Variants in CDH20 observed in about 807,000 individuals in gnomAD.
CDH20 encodes the protein cadherin 20.
A neutral mutation model predicts 74.2 loss-of-function variants in CDH20; 29 were observed. The ratio of observed to expected loss-of-function variants is 0.39; its 90% confidence interval spans 0.29 to 0.53. The LOEUF (loss-of-function observed/expected upper bound fraction) is 0.53. Among genes scored for constraint, CDH20 ranks in the 20% least tolerant of loss-of-function variants. The pLI, the probability that CDH20 is intolerant of heterozygous loss-of-function variation, is 0.69. For missense variants in CDH20, 988 were observed against 1,048.3 expected (o/e 0.94, Z 0.79); for synonymous variants, 469 against 405.4 (o/e 1.16, Z -1.88).
chr18:61,374,326 C>T (rs1416987249), intron 1 of CDH20, among the ~76,000 whole-genome samples: 1 of 152,064 alleles, frequency 6.6e-6, no homozygotes, highest in Admixed American at 6.6e-5. Context: ...AAACAATCTT[C>T]CCCAAATGAG....
At chr18:61,400,228 G>A (rs1168807700) in intron 1 of CDH20, among the ~76,000 whole-genome samples, 3 of 152,116 alleles carry the variant, frequency 2.0e-5, no homozygotes, top group Non-Finnish European at 4.4e-5. Context: ...TCTATCAGAA[G>A]AAGAAAACAT....
In CDH20 at chr18:61,554,875, G is replaced by C. The variant is rs1490427331; in HGVS notation, c.*180G>C. On this transcript the variant is annotated 3_prime_UTR_variant, in exon 12 of 12. Coordinates refer to ENST00000262717, the MANE Select transcript of CDH20 (RefSeq NM_031891.4). ...GGTAGATTAAGTTAAATAAGCAAAA[G>C]GAAACCCAGAAGGAAGAGGGCAGAA... is the stretch of plus-strand genomic sequence containing the variant. The C allele has an allele frequency of 7.2e-7, 1 of 1,398,526 alleles. No individual in the cohort carries two copies. The highest frequency in any genetic ancestry group is 9.3e-7 in the Non-Finnish European group (1 of 1,078,668). The allele number at this position is 1,398,526 out of a possible 1,614,324, so 86.6% of individuals were successfully genotyped here.
At chr18:61,540,248 A>G (rs1048715055) in intron 9 of CDH20, among the ~76,000 whole-genome samples, 1 of 152,156 alleles carries the variant, frequency 6.6e-6, no homozygotes, top group African/African-American at 2.4e-5. Context: ...AATGGGCTGG[A>G]ATGGTTTTAA....
intron 1 of CDH20, among the ~76,000 whole-genome samples, chr18:61,479,479 A>G (rs2144274551): frequency 6.6e-6 from 1 of 152,278 alleles, no homozygotes; most frequent in African/African-American, 2.4e-5. Context: ...TCGCCCTTCA[A>G]CAGTTATATT....
intron 11 of CDH20, among the ~76,000 whole-genome samples, chr18:61,551,103 T>A (rs1454612827): frequency 1.3e-5 from 2 of 152,228 alleles, no homozygotes; most frequent in African/African-American, 4.8e-5. Flanking sequence ...CAAGTCATAC[T>A]GCAAGGTGGC....
chr18:61,393,174 C>T (rs958798314), intron 1 of CDH20, among the ~76,000 whole-genome samples: 6 of 152,196 alleles, frequency 3.9e-5, no homozygotes, highest in Non-Finnish European at 8.8e-5. Flanking sequence ...GATAGTCTCA[C>T]TTTCCTGAAA....
intron 1 of CDH20, among the ~76,000 whole-genome samples, chr18:61,465,661 T>C (rs573834105): frequency 3.3e-5 from 5 of 151,070 alleles, no homozygotes; most frequent in Non-Finnish European, 7.4e-5. Context: ...ATTGTAATGG[T>C]CCATTTTGAA....
At chr18:61,423,860 T>A (rs776444653) in intron 1 of CDH20, among the ~76,000 whole-genome samples, 9 of 152,224 alleles carry the variant, frequency 5.9e-5, no homozygotes, top group Admixed American at 1.3e-4. Context: ...AATACAAAAA[T>A]TAATTAAAGA....
At chr18:61,389,695 G>T (rs1202148010) in intron 1 of CDH20, among the ~76,000 whole-genome samples, 6 of 152,116 alleles carry the variant, frequency 3.9e-5, no homozygotes, top group African/African-American at 1.4e-4. Context: ...GTATAAATGT[G>T]GTTATTGCCC....
At chr18:61,422,854 C>T (rs1912932136) in intron 1 of CDH20, among the ~76,000 whole-genome samples, 1 of 151,762 alleles carries the variant, frequency 6.6e-6, no homozygotes, top group Non-Finnish European at 1.5e-5. Flanking sequence ...TAAAACTGTC[C>T]ATGACTCATC....
chr18:61,526,867 A>G (rs1402445130), intron 6 of CDH20, among the ~76,000 whole-genome samples: 3 of 152,210 alleles, frequency 2.0e-5, no homozygotes, highest in Non-Finnish European at 4.4e-5. Context: ...TCAACTCTAA[A>G]AGGTCAAATA....
chr18:61,383,930 C>T (rs1175236927), intron 1 of CDH20, among the ~76,000 whole-genome samples: 1 of 152,096 alleles, frequency 6.6e-6, no homozygotes, highest in African/African-American at 2.4e-5. Context: ...TCCTAAGTGA[C>T]CTGAAGATCC....
In CDH20 at chr18:61,528,662, C is replaced by G. The variant is rs1366883251; in HGVS notation, c.1271+442C>G. ...AATGTCCCCAGATATTGCCAAATGT[C>G]CAGGGAAGTGGTGTAAAATCACCCC... On this transcript the variant is annotated intron_variant, in intron 7 of 11. Coordinates refer to ENST00000262717, the MANE Select transcript of CDH20 (RefSeq NM_031891.4). 4.6e-5 allele frequency among the ~76,000 whole-genome samples: 7 copies of G among 151,998 alleles called. No homozygotes were observed. In the East Asian group the frequency reaches 1.4e-3, roughly 29 times the overall value.
At position 61,380,469 on chromosome 18, in the gene CDH20, G is replaced by T. The variant is rs74664431; in HGVS notation, c.-153+46642G>T. On this transcript the variant is annotated intron_variant, in intron 1 of 11. Transcript: ENST00000262717. Reference sequence around the variant, plus strand: ...GTTGTTCACCCAAGTAGAAATTAAAGCCAGTCCATATTTTCATGTTTTAAT... The same window carrying T: ...GTTGTTCACCCAAGTAGAAATTAAATCCAGTCCATATTTTCATGTTTTAAT... 2.1e-4 allele frequency among the ~76,000 whole-genome samples: 32 copies of T among 152,286 alleles called. 2 individuals carry two copies. In the East Asian group the frequency reaches 6.2e-3, roughly 29 times the overall value.
intron 10 of CDH20, among the ~76,000 whole-genome samples, chr18:61,547,631 C>G (rs1204503650): frequency 6.6e-6 from 1 of 152,110 alleles, no homozygotes; most frequent in Non-Finnish European, 1.5e-5. Flanking sequence ...GGAAAGTAAG[C>G]AAATGGCCCA....
chr18:61,432,505 G>A (rs1010248045), intron 1 of CDH20, among the ~76,000 whole-genome samples: 4 of 152,066 alleles, frequency 2.6e-5, no homozygotes, highest in Non-Finnish European at 5.9e-5. Flanking sequence ...GAGGAGATAC[G>A]ACCTTCTATA....
intron 4 of CDH20, 62 bp from the exon 5 acceptor site, chr18:61,502,891 C>G (rs1911434630): frequency 7.1e-7 from 1 of 1,414,318 alleles, no homozygotes; most frequent in Non-Finnish European, 9.6e-7. Context: ...ACCTAGAAAC[C>G]AATCTTTAAA....
chr18:61,519,179 C>T (rs988767875), intron 6 of CDH20, among the ~76,000 whole-genome samples: 1 of 151,274 alleles, frequency 6.6e-6, no homozygotes, highest in African/African-American at 2.5e-5. Context: ...GAGAATGGAA[C>T]CAAGTTGGAA....
At chr18:61,397,227 T>C (rs1279838538) in intron 1 of CDH20, among the ~76,000 whole-genome samples, 1 of 151,990 alleles carries the variant, frequency 6.6e-6, no homozygotes, top group African/African-American at 2.4e-5. Context: ...CCCTCCTTAC[T>C]CCCCTTCCAT....
Sources: allele counts gnomAD v4.1 joint callset (sites outside exome capture counted in the v4.1 genomes callset), GRCh38; gene constraint gnomAD v4.1.1; transcripts MANE v1.5; gene names NCBI Gene and HGNC (gene_info 2026-07-23, HGNC 2026-07-21).